The following CAMTA1 variants were observed in gnomAD, a reference collection of about 807,000 sequenced individuals.
The protein encoded by CAMTA1 is calmodulin-binding transcription activator 1.
A neutral mutation model predicts 170.9 loss-of-function variants in CAMTA1; 27 were observed. The ratio of observed to expected loss-of-function variants is 0.16; its 90% CI spans 0.12 to 0.22. The LOEUF (loss-of-function observed/expected upper bound fraction) is 0.22. CAMTA1 is among the 10% of genes least tolerant of loss of function. The pLI, the probability that CAMTA1 is intolerant of heterozygous loss-of-function variation, is 1.00. For synonymous variants in CAMTA1, 833 were observed against 891.5 expected (o/e 0.93, Z 1.17); for missense variants, 1,619 against 2,217.2 (o/e 0.73, Z 5.42).
At chr1:7,336,580 A>G (rs2083395244) in intron 5 of CAMTA1, among the ~76,000 whole-genome samples, 1 of 152,304 alleles carries the variant, frequency 6.6e-6, no homozygotes, top group African/African-American at 2.4e-5. Context: ...GAGGACACTT[A>G]GCAGAGGGAA....
At chr1:6,877,318 G>A (rs925566876) in intron 3 of CAMTA1, among the ~76,000 whole-genome samples, 5 of 152,174 alleles carry the variant, frequency 3.3e-5, no homozygotes, top group African/African-American at 1.2e-4. Flanking sequence ...TTTTGGCCTT[G>A]GCACCACCAA....
intron 3 of CAMTA1, among the ~76,000 whole-genome samples, chr1:6,974,663 G>T (rs1171270657): frequency 1.3e-5 from 2 of 152,132 alleles, no homozygotes; most frequent in African/African-American, 2.4e-5. Flanking sequence ...CTTACCTGCC[G>T]CACGGACGTC....
Position 7,317,184 on chromosome 1 carries a change from C to T in CAMTA1, c.438+67558C>T, listed in dbSNP as rs563461506. On this transcript the variant is annotated intron_variant, in intron 5 of 22. Transcript: ENST00000303635. ...GGATGGGGAAGGGACCACAGCAGGC[C>T]TGCGGGAGTAGGAAGGAGGCCAGGG... Among the ~76,000 whole-genome samples, 9 of 152,272 alleles carry T rather than the reference C, an allele frequency of 5.9e-5. No homozygotes were observed. In the South Asian group the frequency reaches 1.0e-3, roughly 18 times the overall value.
chr1:7,613,493 G>A (rs1412467260), intron 6 of CAMTA1, among the ~76,000 whole-genome samples: 1 of 152,174 alleles, frequency 6.6e-6, no homozygotes, highest in Non-Finnish European at 1.5e-5. Flanking sequence ...GCAGGGAAAA[G>A]ATGCACGGAG....
In CAMTA1 at chr1:7,456,826, G is replaced by A. The variant is rs2092963635; in HGVS notation, c.439-11004G>A. Among the ~76,000 whole-genome samples the A allele has an allele frequency of 6.6e-6, 1 of 152,218 alleles. No individual in the cohort carries two copies. Among genetic ancestry groups the A allele is most frequent in the African/African-American group, 2.4e-5 (1 of 41,456 alleles). ...GCCTGGCTGAACGTCCTCAGAGGGTGGGAAAACAGGCAGGTGAGAGTGGCC... is the reference window on the plus strand; with the variant it reads ...GCCTGGCTGAACGTCCTCAGAGGGTAGGAAAACAGGCAGGTGAGAGTGGCC... On this transcript the variant is annotated intron_variant, in intron 5 of 22. Coordinates refer to ENST00000303635, the MANE Select transcript of CAMTA1 (RefSeq NM_015215.4). This position sits in a 1 kb window ranked among gnomAD's most constrained non-coding sequence, Gnocchi z 4.9.
At chr1:6,953,236 G>A (rs889871192) in intron 3 of CAMTA1, among the ~76,000 whole-genome samples, 4 of 152,184 alleles carry the variant, frequency 2.6e-5, no homozygotes, top group African/African-American at 9.7e-5. Flanking sequence ...GCCGAGCCCA[G>A]TCTGAGACCT....
intron 5 of CAMTA1, among the ~76,000 whole-genome samples, chr1:7,431,277 C>T (rs1235566045): frequency 4.6e-5 from 7 of 152,236 alleles, no homozygotes; most frequent in Non-Finnish European, 1.0e-4. Flanking sequence ...CAGCTGGGTC[C>T]TCAAGGAGCC....
intron 5 of CAMTA1, among the ~76,000 whole-genome samples, chr1:7,334,163 A>G (rs2083206258): frequency 6.6e-6 from 1 of 152,270 alleles, no homozygotes; most frequent in Admixed American, 6.5e-5. Context: ...GCACTGGTCT[A>G]CGTGGAAAGT....
rs542648891 is a variant in CAMTA1 at position 7,510,905 on chromosome 1, G to A, written c.510+43004G>A. On this transcript the variant is annotated intron_variant, in intron 6 of 22. Coordinates refer to ENST00000303635, the MANE Select transcript of CAMTA1 (RefSeq NM_015215.4). ...TGGGAGTCACTGTACCTTTGCCAGCGTGACCCTGCCCCATCTGCCTGTCCA... is the reference window on the plus strand; with the variant it reads ...TGGGAGTCACTGTACCTTTGCCAGCATGACCCTGCCCCATCTGCCTGTCCA... 6.6e-4 allele frequency among the ~76,000 whole-genome samples: 95 copies of A among 144,640 alleles called. 20 individuals carry two copies. The highest frequency in any genetic ancestry group is 1.1e-3 in the Non-Finnish European group (73 of 64,520). The allele number at this position is 144,640 out of a possible 152,430, so 94.9% of individuals were successfully genotyped here.
intron 11 of CAMTA1, among the ~76,000 whole-genome samples, chr1:7,704,354 G>C (rs1007109776): frequency 2.7e-5 from 4 of 146,042 alleles, no homozygotes; most frequent in African/African-American, 9.8e-5. Flanking sequence ...GGGCGCAGCC[G>C]TCGGGCTCCG....
At chr1:7,257,076 C>CGGGGTGGG (rs1667502209) in intron 5 of CAMTA1, among the ~76,000 whole-genome samples, 1 of 135,134 alleles carries the variant, frequency 7.4e-6, no homozygotes, top group African/African-American at 2.7e-5. Flanking sequence ...CATCGCATGG[C>CGGGGTGGG]GGGGGCGGGG....
rs369293112 is a variant in CAMTA1 at position 7,610,642 on chromosome 1, C to T, written c.511-29758C>T. Among the ~76,000 whole-genome samples the T allele has an allele frequency of 6.6e-5, 10 of 152,340 alleles. No individual in the cohort carries two copies. In the East Asian group the frequency reaches 1.5e-3, roughly 24 times the overall value. ...TTGCAGGGGGGTGCCCATCCATAAC[C>T]CTGACCCCAGGGAAGGGAGGGAGTG... On this transcript the variant is annotated intron_variant, in intron 6 of 22. Transcript: ENST00000303635.
chr1:6,950,761 C>T (rs531930804), intron 3 of CAMTA1, among the ~76,000 whole-genome samples: 7 of 151,902 alleles, frequency 4.6e-5, no homozygotes, highest in Admixed American at 1.3e-4. Flanking sequence ...GGAGCACTCC[C>T]GTCATGTACC....
chr1:7,328,165 C>T (rs538382905), intron 5 of CAMTA1, among the ~76,000 whole-genome samples: 2 of 152,160 alleles, frequency 1.3e-5, no homozygotes, highest in Admixed American at 6.5e-5. Context: ...GGGCTTCCTT[C>T]TCGAATTTGG....
At chr1:6,890,367 C>T (rs963969772) in intron 3 of CAMTA1, among the ~76,000 whole-genome samples, 11 of 152,158 alleles carry the variant, frequency 7.2e-5, no homozygotes, top group African/African-American at 2.7e-4. Context: ...TTTTTGGATG[C>T]ATCTCTTAGC....
chr1:7,217,485 T>A (rs1002679712), intron 4 of CAMTA1, among the ~76,000 whole-genome samples: 1 of 152,204 alleles, frequency 6.6e-6, no homozygotes, highest in Non-Finnish European at 1.5e-5. Flanking sequence ...AAAATTTTTT[T>A]ATTTTCATAA....
chr1:7,339,594 G>GT (rs1192236845), intron 5 of CAMTA1, among the ~76,000 whole-genome samples: 1 of 151,798 alleles, frequency 6.6e-6, no homozygotes, highest in Non-Finnish European at 1.5e-5. Flanking sequence ...TTTGTTGGTT[G>GT]TTTTTTTGTT....
At chr1:7,380,909 T>G (rs1027314578) in intron 5 of CAMTA1, among the ~76,000 whole-genome samples, 3 of 152,146 alleles carry the variant, frequency 2.0e-5, no homozygotes, top group Admixed American at 2.0e-4. Context: ...ATGAGAGCAG[T>G]GGCTAGTTGG....
At position 7,547,279 on chromosome 1, in the gene CAMTA1, G is replaced by A. The variant is rs1345451517; in HGVS notation, c.510+79378G>A. On this transcript the variant is annotated intron_variant, in intron 6 of 22. Coordinates refer to ENST00000303635, the MANE Select transcript of CAMTA1 (RefSeq NM_015215.4). The surrounding 1 kb of genome is among the most constrained non-coding windows in gnomAD (Gnocchi z 5.7). ...AAGTGGTGTTTAGAAGCCAAGATCT[G>A]GGCCTGAGTATGCTCACTGCTCCCA... 6.6e-6 allele frequency among the ~76,000 whole-genome samples: 1 copy of A among 151,910 alleles called. No homozygotes were observed. The highest frequency in any genetic ancestry group is 1.5e-5 in the Non-Finnish European group (1 of 68,008).
Sources: allele counts gnomAD v4.1 joint callset (sites outside exome capture counted in the v4.1 genomes callset), GRCh38; gene constraint gnomAD v4.1.1; non-coding constraint Gnocchi (gnomAD v3.1); transcripts MANE v1.5; gene names NCBI Gene and HGNC (gene_info 2026-07-23, HGNC 2026-07-21).